Variants in MATR3 observed in about 807,000 individuals in gnomAD.
The protein encoded by MATR3 is matrin-3.
A neutral mutation model predicts 85.5 loss-of-function variants in MATR3; 4 were observed. The ratio of observed to expected loss-of-function variants is 0.05; its 90% CI spans 0.02 to 0.11. MATR3 has a LOEUF of 0.11. MATR3 is among the 10% of genes least tolerant of loss of function. The pLI is 1.00. For missense variants in MATR3, 685 were observed against 1,016.1 expected (o/e 0.67, Z 4.43); for synonymous variants, 336 against 343.1 (o/e 0.98, Z 0.23).
chr5:139,329,189 T>G (rs1467999866), intron 14 of MATR3, among the ~76,000 whole-genome samples, 156 bp from the exon 15 acceptor site: 2 of 152,190 alleles, frequency 1.3e-5, no homozygotes, highest in African/African-American at 2.4e-5. Context: ...CTGAAAGTTT[T>G]TGTGTGCTAA....
At chr5:139,306,961 T>C (rs1197514369) in intron 1 of MATR3, among the ~76,000 whole-genome samples, 1 of 152,200 alleles carries the variant, frequency 6.6e-6, no homozygotes, top group Non-Finnish European at 1.5e-5. Flanking sequence ...GAAATTTTGA[T>C]GTACTCAGAC....
intron 2 of MATR3, chr5:139,310,506 A>G (rs1442044085): frequency 6.6e-6 from 1 of 152,240 alleles, no homozygotes. Flanking sequence ...TAACCGCTAT[A>G]GAAATGACCT....
intron 5 of MATR3, 40 bp downstream of exon 5, chr5:139,316,228 C>A (rs779505649): frequency 6.8e-7 from 1 of 1,471,604 alleles, no homozygotes; most frequent in Non-Finnish European, 9.5e-7. Context: ...CCTACAGAGC[C>A]GTTACTGAAA....
intron 14 of MATR3, among the ~76,000 whole-genome samples, chr5:139,328,519 C>T (rs1357284044): frequency 6.6e-6 from 1 of 152,146 alleles, no homozygotes; most frequent in African/African-American, 2.4e-5. Flanking sequence ...ACACTCGTGG[C>T]TCAGTCATCT....
intron 9 of MATR3, 72 bp downstream of exon 9, chr5:139,319,573 G>T (rs1432128463): frequency 3.6e-6 from 5 of 1,388,222 alleles, no homozygotes; most frequent in Non-Finnish European, 5.0e-6. Context: ...ATGGAGCTGG[G>T]CGTCATTCCT....
intron 13 of MATR3, 66 bp from the exon 14 acceptor site, chr5:139,326,097 G>A (rs1156906633): frequency 7.7e-7 from 1 of 1,302,172 alleles, no homozygotes; most frequent in Non-Finnish European, 1.1e-6. Flanking sequence ...ATGTTGACAG[G>A]TGAAATTGTG....
chr5:139,310,002 C>G (rs1220772272), intron 2 of MATR3: 1 of 152,124 alleles, frequency 6.6e-6, no homozygotes, highest in Non-Finnish European at 1.5e-5. Flanking sequence ...CTTAAAAAAT[C>G]TTCGCTACTG....
upstream of MATR3, among the ~76,000 whole-genome samples, chr5:139,291,309 C>G (rs1023361323): frequency 1.3e-5 from 2 of 152,216 alleles, no homozygotes; most frequent in Non-Finnish European, 2.9e-5. Context: ...TCACTCGTCT[C>G]AAATACATAT....
At chr5:139,290,438 C>CTTTTTTTTTTTTTTTTTTTTTTTTTTTT (rs762364450), upstream of MATR3, among the ~76,000 whole-genome samples, 2 of 44,978 alleles carry the variant, frequency 4.4e-5, 1 homozygote, top group African/African-American at 2.6e-4. Context: ...CCTGGCCGCT[C>CTTTTTTTTTTTTTTTTTTTTTTTTTTTT]TTTTTTTTTT....
At chr5:139,322,205 C>T (rs968308450) in intron 10 of MATR3, among the ~76,000 whole-genome samples, 176 bp downstream of exon 10, 2 of 152,154 alleles carry the variant, frequency 1.3e-5, no homozygotes, top group African/African-American at 4.8e-5. Context: ...AGTTTTTAAA[C>T]GAGTCTTCCC....
At chr5:139,320,418 CAT>C (rs1755496911) in intron 9 of MATR3, among the ~76,000 whole-genome samples, 1 of 152,058 alleles carries the variant, frequency 6.6e-6, no homozygotes, top group Non-Finnish European at 1.5e-5. Flanking sequence ...GCCCTGACAA[CAT>C]ATTGAGGCCA....
intron 1 of MATR3, among the ~76,000 whole-genome samples, chr5:139,305,752 T>C (rs902231329): frequency 1.3e-5 from 2 of 152,178 alleles, no homozygotes; most frequent in Non-Finnish European, 2.9e-5. Context: ...AATTCATCTT[T>C]CTTGGTGTGC....
Position 139,322,167 on chromosome 5 carries a change from AC to A in MATR3, c.1734+140del. On this transcript the variant is annotated intron_variant, in intron 10 of 14. Transcript: ENST00000394805. ...TGAAATAAGTTATTGAAAGAGAACAACCTTTTTTTCTGGTCTTTAATGGCAG... is the reference window on the plus strand; with the variant it reads ...TGAAATAAGTTATTGAAAGAGAACAACTTTTTTTCTGGTCTTTAATGGCAG... 2.7e-6 allele frequency: 3 copies of A among 1,111,446 alleles called. No homozygotes were observed. In the South Asian group the frequency reaches 4.2e-5, roughly 16 times the overall value. The allele number at this position is 1,111,446 out of a possible 1,614,324, so 68.8% of individuals were successfully genotyped here.
rs1755638742 is a variant in MATR3 at position 139,322,728 on chromosome 5, A to G, written c.1909A>G (p.Lys637Glu). Residue 637 changes from lysine to glutamate, a missense_variant, in exon 12 of 15, where the codon AAA becomes GAA. Transcript: ENST00000394805. ...QEEKSGEDGE[K>E]DTKDDQTEQE... is the part of the protein sequence containing the mutation. The stretch of plus-strand genomic sequence containing the variant: ...AGAGAAGTCCGGTGAAGATGGTGAG[A>G]AAGACACAAAGGATGACCAGACAGA... 1 of 1,614,172 alleles carries G rather than the reference A, an allele frequency of 6.2e-7. No homozygotes were observed. The highest frequency in any genetic ancestry group is 1.1e-5 in the South Asian group (1 of 91,088).
chr5:139,323,418 T>G (rs1207394938), intron 12 of MATR3, among the ~76,000 whole-genome samples: 1 of 152,220 alleles, frequency 6.6e-6, no homozygotes, highest in African/African-American at 2.4e-5. Flanking sequence ...TCAGATACCT[T>G]AGTATCCTTT....
At chr5:139,280,147 A>G (rs963074092) in intron 3 of MATR3, 4 of 152,258 alleles carry the variant, frequency 2.6e-5, no homozygotes, top group African/African-American at 9.6e-5. Flanking sequence ...CAATATCAAC[A>G]CATGAGCAAG....
At chr5:139,304,666 A>G (rs1445100767) in intron 1 of MATR3, among the ~76,000 whole-genome samples, 1 of 152,154 alleles carries the variant, frequency 6.6e-6, no homozygotes, top group East Asian at 1.9e-4. Flanking sequence ...AGAGATTTTA[A>G]ATAGGTAAAT....
intron 2 of MATR3, chr5:139,312,653 T>C (rs1403921884): frequency 6.6e-6 from 1 of 151,806 alleles, no homozygotes; most frequent in Non-Finnish European, 1.5e-5. Flanking sequence ...GGATTTTATT[T>C]TTATTTATTT....
At chr5:139,322,362 A>G (rs1360254926) in intron 10 of MATR3, 101 bp from the exon 11 acceptor site, 1 of 1,104,772 alleles carries the variant, frequency 9.1e-7, no homozygotes, top group East Asian at 2.4e-5. Context: ...CGGGAATTGA[A>G]TAAGCTGAGT....
Sources: gnomAD v4.1 joint callset for allele counts (sites outside exome capture counted in the v4.1 genomes callset) on GRCh38, gnomAD v4.1.1 for gene constraint, MANE v1.5 for transcripts, NCBI Gene and HGNC (gene_info 2026-07-23, HGNC 2026-07-21) for gene names.